The following MYO3B variants were observed in gnomAD, a reference collection of about 807,000 sequenced individuals.
MYO3B encodes myosin IIIB.
MYO3B carries 156 observed loss-of-function variants against 174.6 expected under a neutral mutation model. The ratio of observed to expected loss-of-function variants is 0.89; its 90% CI spans 0.78 to 1.02. The LOEUF (loss-of-function observed/expected upper bound fraction) is 1.02. Among genes scored for constraint, MYO3B ranks in the 50% least tolerant of loss-of-function variants. MYO3B has a pLI of 0.00. For missense variants in MYO3B, 1,632 were observed against 1,639.4 expected, an observed-to-expected ratio of 1.00 and a Z score of 0.08; for synonymous variants, 563 against 569.1, an observed-to-expected ratio of 0.99 and a Z score of 0.15.
At chr2:170,470,720 A>G (rs971085951) in intron 25 of MYO3B, among the ~76,000 whole-genome samples, 2 of 152,138 alleles carry the variant, frequency 1.3e-5, no homozygotes, top group Non-Finnish European at 2.9e-5. Flanking sequence ...ATTTTTCCAC[A>G]TCGTCTCCAA....
At chr2:170,484,800 A>G (rs1346554331) in intron 25 of MYO3B, among the ~76,000 whole-genome samples, 1 of 152,158 alleles carries the variant, frequency 6.6e-6, no homozygotes, top group East Asian at 1.9e-4. Flanking sequence ...CATGAAGGGA[A>G]AAAATTAAAG....
At chr2:170,529,335 A>C (rs1001493602) in intron 30 of MYO3B, among the ~76,000 whole-genome samples, 2 of 151,890 alleles carry the variant, frequency 1.3e-5, no homozygotes, top group African/African-American at 4.8e-5. Context: ...AAACCGGAGC[A>C]TGTACTCCTG....
In MYO3B at chr2:170,510,894, C is replaced by T. The variant is rs188479596; in HGVS notation, c.3371-4027C>T. On this transcript the variant is annotated intron_variant, in intron 28 of 34. Coordinates refer to ENST00000408978, the MANE Select transcript of MYO3B (RefSeq NM_138995.5). ...GCATAATGCTTCTGAGATTCATCTG[C>T]GTGTTGCGTTTTTTAGTAGTTCATT... Among the ~76,000 whole-genome samples the T allele has an allele frequency of 4.6e-5, 7 of 152,220 alleles. No homozygotes were observed. In the East Asian group the frequency reaches 9.6e-4, roughly 21 times the overall value.
In MYO3B at chr2:170,266,608, C is replaced by G. The variant is rs866899756; in HGVS notation, c.749+30472C>G. On this transcript the variant is annotated intron_variant, in intron 7 of 34. Coordinates refer to ENST00000408978, the MANE Select transcript of MYO3B (RefSeq NM_138995.5). ...GCAGAGAAGTACAAGGACTCTGACA[C>G]AAATGAGAGAAGGAAGTTCCAGGTT... Among the ~76,000 whole-genome samples, 13 of 152,252 alleles carry G rather than the reference C, an allele frequency of 8.5e-5. No homozygotes were observed. In the Middle Eastern group the frequency reaches 0.017, roughly 199 times the overall value.
chr2:170,216,417 T>G (rs1345149180), intron 5 of MYO3B, among the ~76,000 whole-genome samples: 2 of 152,178 alleles, frequency 1.3e-5, no homozygotes, highest in Non-Finnish European at 2.9e-5. Flanking sequence ...TTATCCCTAG[T>G]TTAAAGATGA....
At chr2:170,272,480 A>G (rs913355129) in intron 7 of MYO3B, among the ~76,000 whole-genome samples, 1 of 152,052 alleles carries the variant, frequency 6.6e-6, no homozygotes, top group African/African-American at 2.4e-5. Context: ...AATACTCAAC[A>G]CTCTAAAGGG....
intron 32 of MYO3B, among the ~76,000 whole-genome samples, chr2:170,607,601 G>A (rs1184637998): frequency 6.6e-6 from 1 of 152,198 alleles, no homozygotes; most frequent in Non-Finnish European, 1.5e-5. Flanking sequence ...GCACTTCAGG[G>A]ATAGGAACAC....
intron 7 of MYO3B, among the ~76,000 whole-genome samples, chr2:170,292,802 A>G (rs138447350): frequency 7.2e-5 from 11 of 152,222 alleles, no homozygotes; most frequent in Non-Finnish European, 1.3e-4. Context: ...CTGATTTGGC[A>G]TCTTCTTTAG....
intron 16 of MYO3B, among the ~76,000 whole-genome samples, chr2:170,395,459 A>ATTTGC (rs2094437765): frequency 6.6e-6 from 1 of 152,186 alleles, no homozygotes; most frequent in Non-Finnish European, 1.5e-5. Flanking sequence ...GTTAGGGAGA[A>ATTTGC]GCCTTTGAGA....
chr2:170,305,273 T>C (rs1302561479), intron 7 of MYO3B, among the ~76,000 whole-genome samples: 1 of 152,198 alleles, frequency 6.6e-6, no homozygotes, highest in African/African-American at 2.4e-5. Context: ...AAACGTTACA[T>C]ACACATAGAT....
At chr2:170,608,134 C>T (rs995768974) in intron 32 of MYO3B, among the ~76,000 whole-genome samples, 10 of 152,108 alleles carry the variant, frequency 6.6e-5, no homozygotes, top group South Asian at 2.1e-4. Flanking sequence ...TAGTTACAGG[C>T]GAGGCGGAGG....
chr2:170,294,352 C>G (rs1374482934), intron 7 of MYO3B, among the ~76,000 whole-genome samples: 1 of 150,860 alleles, frequency 6.6e-6, no homozygotes, highest in Non-Finnish European at 1.5e-5. Context: ...ATTCTAAAAA[C>G]TAATTTGGAT....
chr2:170,384,951 C>T (rs541356610), intron 12 of MYO3B, among the ~76,000 whole-genome samples: 4 of 152,246 alleles, frequency 2.6e-5, no homozygotes, highest in East Asian at 3.9e-4. Context: ...TCTGCCCAGC[C>T]GAATACCAGT....
intron 32 of MYO3B, among the ~76,000 whole-genome samples, chr2:170,625,304 T>A (rs1450384645): frequency 2.0e-5 from 3 of 152,216 alleles, no homozygotes; most frequent in Non-Finnish European, 4.4e-5. Flanking sequence ...GGAGGGTATA[T>A]GTGTGGAGGT....
chr2:170,243,591 C>T (rs1057007761), intron 7 of MYO3B, among the ~76,000 whole-genome samples: 1 of 152,140 alleles, frequency 6.6e-6, no homozygotes, highest in African/African-American at 2.4e-5. Flanking sequence ...ATGTCGACCT[C>T]ATAGAGCTAT....
intron 25 of MYO3B, among the ~76,000 whole-genome samples, chr2:170,485,420 C>CACACACACACAG (rs777460347): frequency 9.4e-5 from 12 of 127,908 alleles, no homozygotes; most frequent in African/African-American, 2.7e-4. Flanking sequence ...CACACACACA[C>CACACACACACAG]AGAGAGAGAG....
At chr2:170,553,566 A>G (rs1401031358) in intron 32 of MYO3B, among the ~76,000 whole-genome samples, 1 of 62,160 alleles carries the variant, frequency 1.6e-5, no homozygotes, top group Non-Finnish European at 3.3e-5. Flanking sequence ...TTTTGGTTTT[A>G]CAGGCTTATA....
At chr2:170,593,036 T>C (rs1476375925) in intron 32 of MYO3B, among the ~76,000 whole-genome samples, 1 of 152,124 alleles carries the variant, frequency 6.6e-6, no homozygotes, top group Non-Finnish European at 1.5e-5. Flanking sequence ...TAGATAAATC[T>C]ATTTACATCT....
chr2:170,263,897 T>C (rs2093363468), intron 7 of MYO3B, among the ~76,000 whole-genome samples: 1 of 152,152 alleles, frequency 6.6e-6, no homozygotes, highest in South Asian at 2.1e-4. Context: ...GTCTTTCCCT[T>C]CCCGTGAGGC....
Sources: gnomAD v4.1 joint callset for allele counts (sites outside exome capture counted in the v4.1 genomes callset) on GRCh38, gnomAD v4.1.1 for gene constraint, MANE v1.5 for transcripts, NCBI Gene and HGNC (gene_info 2026-07-23, HGNC 2026-07-21) for gene names.